ZRANB1: variants seen among roughly 807,000 people sequenced by gnomAD.
The protein encoded by ZRANB1 is zinc finger RANBP2-type containing 1.
ZRANB1 carries 16 observed loss-of-function variants against 80.5 expected under a neutral mutation model. The observed-to-expected ratio is 0.20, with a 90% CI of 0.13 to 0.30. The LOEUF is 0.30. ZRANB1 is among the 10% of genes least tolerant of loss of function. The pLI is 1.00. For synonymous variants in ZRANB1, 291 were observed against 293.1 expected (o/e 0.99, Z 0.07); for missense variants, 576 against 862.6 (o/e 0.67, Z 4.16).
rs1185308076 is a variant in ZRANB1 at position 124,981,814 on chromosome 10, C to G, written c.1533C>G (p.Leu511=). Reference sequence around the variant, plus strand: ...GGCAAGAAGACTGGGCATTTATACTCTCTCTTGCTAGTCAGGTGAGGATGC... The same window carrying G: ...GGCAAGAAGACTGGGCATTTATACTGTCTCTTGCTAGTCAGGTGAGGATGC... ...EQWQEDWAFI[L]SLASQPGASL... The change falls in exon 6 of 9, where the codon CTC becomes CTG. Residue 511 remains leucine (L), a synonymous_variant. Coordinates refer to ENST00000359653, the MANE Select transcript of ZRANB1 (RefSeq NM_017580.3). 6.2e-7 allele frequency: 1 copy of G among 1,613,600 alleles called. No individual in the cohort carries two copies. The highest frequency in any genetic ancestry group is 8.5e-7 in the Non-Finnish European group (1 of 1,179,812).
At chr10:124,946,809 A>G (rs1056322457) in intron 1 of ZRANB1, among the ~76,000 whole-genome samples, 1 of 152,240 alleles carries the variant, frequency 6.6e-6, no homozygotes, top group Non-Finnish European at 1.5e-5. Flanking sequence ...TAAGACTAAC[A>G]GAAGTTCACA....
chr10:124,969,303 G>A (rs1439353714), intron 2 of ZRANB1, among the ~76,000 whole-genome samples: 2 of 152,138 alleles, frequency 1.3e-5, no homozygotes. Context: ...TGGGAGAGGT[G>A]GAGGGGATTT....
chr10:124,967,489 C>A (rs747041161), intron 2 of ZRANB1, among the ~76,000 whole-genome samples: 5 of 152,200 alleles, frequency 3.3e-5, no homozygotes, highest in Non-Finnish European at 7.3e-5. Context: ...GAAGGATCTT[C>A]TGTGTCAAGG....
At chr10:124,984,008 G>A (rs1254332264) in intron 8 of ZRANB1, among the ~76,000 whole-genome samples, 1 of 152,120 alleles carries the variant, frequency 6.6e-6, no homozygotes, top group Non-Finnish European at 1.5e-5. Flanking sequence ...AGGCCAGTGT[G>A]GTTTAAGAGG....
chr10:124,930,917 C>G, the ZRANB1 span, among the ~76,000 whole-genome samples: 2 of 151,972 alleles, frequency 1.3e-5, no homozygotes, highest in African/African-American at 2.4e-5. Flanking sequence ...GTAGGCCCAG[C>G]TACTCTGGAG....
the ZRANB1 span, among the ~76,000 whole-genome samples, chr10:124,920,654 T>C: frequency 2.0e-5 from 3 of 151,958 alleles, no homozygotes; most frequent in Admixed American, 6.6e-5. Flanking sequence ...ATGGAGACAA[T>C]GTTCTGGGCC....
In ZRANB1 at chr10:124,985,090, C is replaced by G. The variant is rs1223438199; in HGVS notation, c.*98C>G. 1.1e-6 allele frequency: 1 copy of G among 945,166 alleles called. No homozygotes were observed. The highest frequency in any genetic ancestry group is 1.6e-6 in the Non-Finnish European group (1 of 623,692). The allele number at this position is 945,166 out of a possible 1,614,324, so 58.5% of individuals were successfully genotyped here. On this transcript the variant is annotated 3_prime_UTR_variant, in exon 9 of 9. Coordinates refer to ENST00000359653, the MANE Select transcript of ZRANB1 (RefSeq NM_017580.3). ...GCAGAGTCGACATCATGGAATGAAC[C>G]AAATCTGGCAGGATCTGCTCGGGGA...
At chr10:124,937,019 A>G in the ZRANB1 span, among the ~76,000 whole-genome samples, 5 of 151,804 alleles carry the variant, frequency 3.3e-5, no homozygotes, top group South Asian at 2.1e-4. Context: ...CAGTGGCGCA[A>G]TCTCTGCTCA....
the ZRANB1 span, among the ~76,000 whole-genome samples, chr10:124,922,262 TATATATATATATATGTAAA>T: frequency 3.1e-4 from 31 of 100,570 alleles, 1 homozygote; most frequent in African/African-American, 1.4e-3. Context: ...ATATGTAAAA[TATATATATATATATGTAAA>T]ATATATATAT....
intron 1 of ZRANB1, among the ~76,000 whole-genome samples, chr10:124,947,503 A>T (rs1029120265): frequency 1.3e-5 from 2 of 152,202 alleles, no homozygotes; most frequent in African/African-American, 4.8e-5. Context: ...ACAGGGTTAG[A>T]TAAGAACACC....
Position 124,944,492 on chromosome 10 carries a change from C to G in ZRANB1, c.814+1185C>G, listed in dbSNP as rs796159154. On this transcript the variant is annotated intron_variant, in intron 1 of 8. Transcript: ENST00000359653. Reference sequence around the variant, plus strand: ...TAAATTATATATATCATTCCCCCCCCCCCCCCGCCCCAAGATGGGATCTCA... The same window carrying G: ...TAAATTATATATATCATTCCCCCCCGCCCCCCGCCCCAAGATGGGATCTCA... Among the ~76,000 whole-genome samples, 263 of 106,220 alleles carry G rather than the reference C, an allele frequency of 2.5e-3. 1 individual carries two copies. The highest frequency in any genetic ancestry group is 8.7e-3 in the African/African-American group (246 of 28,148). 69.7% of individuals were successfully genotyped at this position (106,220 alleles called of 152,430 possible). A position where few individuals can be genotyped will look rare whatever the true frequency, so the allele number is the denominator to read the frequency against.
At chr10:124,917,867 G>A in the ZRANB1 span, among the ~76,000 whole-genome samples, 2 of 152,100 alleles carry the variant, frequency 1.3e-5, no homozygotes, top group Non-Finnish European at 2.9e-5. Flanking sequence ...GCAAGGATCT[G>A]TTTTTTCTCT....
chr10:124,963,518 A>C (rs1262994528), intron 1 of ZRANB1, among the ~76,000 whole-genome samples: 1 of 148,214 alleles, frequency 6.7e-6, no homozygotes, highest in Non-Finnish European at 1.5e-5. Flanking sequence ...AATTATGTGA[A>C]GAACTCAGAT....
chr10:124,943,023 C>G lies in ZRANB1; in HGVS notation c.530C>G (p.Pro177Arg). The G allele has an allele frequency of 6.2e-7, 1 of 1,614,198 alleles. No homozygotes were observed. Among genetic ancestry groups the G allele is most frequent in the Non-Finnish European group, 8.5e-7 (1 of 1,180,028 alleles). ...KRCVVCDHPR[P>R]NNIEAIELAE... ...TGTGTTGTTTGTGATCATCCCAGACCTAATAACATTGAAGCAATAGAATTG... is the reference window on the plus strand; with the variant it reads ...TGTGTTGTTTGTGATCATCCCAGACGTAATAACATTGAAGCAATAGAATTG... Residue 177 changes from proline (P) to arginine (R), a missense_variant, in exon 1 of 9, where the codon CCT (proline) becomes CGT (arginine). Physicochemically the swap from Pro to Arg is moderately radical, Grantham distance 103. Transcript: ENST00000359653.
At chr10:124,956,133 T>C (rs1188325373) in intron 1 of ZRANB1, among the ~76,000 whole-genome samples, 1 of 152,222 alleles carries the variant, frequency 6.6e-6, no homozygotes, top group Non-Finnish European at 1.5e-5. Flanking sequence ...TGATTCTTGA[T>C]TATGTGATAA....
chr10:124,957,796 C>T (rs1044036747), intron 1 of ZRANB1, among the ~76,000 whole-genome samples: 3 of 151,414 alleles, frequency 2.0e-5, no homozygotes, highest in Non-Finnish European at 2.9e-5. Flanking sequence ...GTGCAATCTG[C>T]GCTTGCTGCA....
chr10:124,981,475 G>C (rs748695979), intron 5 of ZRANB1: 1 of 297,110 alleles, frequency 3.4e-6, no homozygotes, highest in Admixed American at 5.2e-5. Flanking sequence ...TTGAAAATTT[G>C]GTTGTCGGTA....
At chr10:124,952,113 A>T (rs577248267) in intron 1 of ZRANB1, among the ~76,000 whole-genome samples, 1 of 152,140 alleles carries the variant, frequency 6.6e-6, no homozygotes, top group African/African-American at 2.4e-5. Context: ...TGCATGACCA[A>T]TATAAATAGA....
rs971228726 is a variant in ZRANB1, at chr10:124,985,918, A to T, written c.*926A>T. The T allele has an allele frequency of 2.6e-5, 4 of 152,204 alleles. No homozygotes were observed. The highest frequency in any genetic ancestry group is 9.6e-5 in the African/African-American group (4 of 41,452). The allele number at this position is 152,204 out of a possible 1,614,324, so 9.4% of individuals were successfully genotyped here. A position where few individuals can be genotyped will look rare whatever the true frequency, so the allele number is the denominator to read the frequency against. On this transcript the variant is annotated 3_prime_UTR_variant, in exon 9 of 9. Transcript: ENST00000359653. ...TCTTCCTTCTATCACCTCTGCTCTA[A>T]GCAAATCTTGTTAGAAGGGCATGCC...
Sources: gnomAD v4.1 joint callset for allele counts (sites outside exome capture counted in the v4.1 genomes callset) on GRCh38, gnomAD v4.1.1 for gene constraint, MANE v1.5 for transcripts, NCBI Gene and HGNC (gene_info 2026-07-23, HGNC 2026-07-21) for gene names.